The following ZNF565 variants were observed in gnomAD, a reference collection of about 807,000 sequenced individuals.
ZNF565 encodes the protein zinc finger protein 565.
Under a neutral mutation model 39.4 loss-of-function variants are expected in ZNF565, and 27 were observed. That is an observed-to-expected ratio of 0.69 (90% CI 0.51 to 0.95). The LOEUF is 0.95. Ranked by LOEUF, ZNF565 falls within the 40% of genes least tolerant of loss-of-function variation. ZNF565 has a pLI of 0.00. For synonymous variants in ZNF565, 185 were observed against 216.6 expected (o/e 0.85, Z 1.28); for missense variants, 524 against 621.1 (o/e 0.84, Z 1.66).
chr19:36,192,642 G>A (rs779146976), intron 4 of ZNF565, among the ~76,000 whole-genome samples: 1 of 152,010 alleles, frequency 6.6e-6, no homozygotes, highest in Non-Finnish European at 1.5e-5. Context: ...TCAGGAGGCT[G>A]AGACAGGAGA....
chr19:36,192,222 T>C (rs1006173936), intron 4 of ZNF565, among the ~76,000 whole-genome samples: 2 of 151,348 alleles, frequency 1.3e-5, no homozygotes, highest in Admixed American at 6.6e-5. Flanking sequence ...CTGCTGACCT[T>C]GTGATTCGCC....
At chr19:36,194,920 G>A in intron 3 of ZNF565, 110 bp downstream of exon 3, 1 of 1,539,370 alleles carries the variant, frequency 6.5e-7, no homozygotes, top group Non-Finnish European at 9.0e-7. Context: ...AGCGTCTCCT[G>A]TGACAGTTTC....
intron 1 of ZNF565, among the ~76,000 whole-genome samples, chr19:36,242,789 T>C (rs1977821907): frequency 6.6e-6 from 1 of 152,210 alleles, no homozygotes; most frequent in Admixed American, 6.5e-5. Context: ...CCAAAAAAGA[T>C]ATACAGGTGT....
Position 36,245,419 on chromosome 19 carries a change from C to T in ZNF565, c.55+57G>A. The T allele has an allele frequency of 2.9e-6, 2 of 701,728 alleles. No homozygotes were observed. Among genetic ancestry groups the T allele is most frequent in the South Asian group, 1.5e-5 (1 of 67,556 alleles). 43.5% of individuals were successfully genotyped at this position (701,728 alleles called of 1,614,324 possible). On this transcript the variant is annotated intron_variant, in intron 1 of 4. Coordinates refer to the ZNF565 transcript ENST00000355114. The surrounding 1 kb of genome is among the most constrained non-coding windows in gnomAD (Gnocchi z 4.4). ...CCGGAAAGCTCCGCGCTTACGACGC[C>T]CACCCAGAAAATCCGGATCACATTT... is the stretch of plus-strand genomic sequence containing the variant.
intron 1 of ZNF565, among the ~76,000 whole-genome samples, chr19:36,242,661 G>A (rs1568440831): frequency 6.6e-6 from 1 of 152,118 alleles, no homozygotes; most frequent in Non-Finnish European, 1.5e-5. Flanking sequence ...GGAGGCGGAG[G>A]TTGCAGTGAG....
intron 1 of ZNF565, among the ~76,000 whole-genome samples, chr19:36,229,075 C>T (rs1320859526): frequency 6.6e-6 from 1 of 152,250 alleles, no homozygotes; most frequent in African/African-American, 2.4e-5. Flanking sequence ...TGTGCCGCCA[C>T]TGTGGTGGCT....
At chr19:36,218,819 T>C (rs917228837), upstream of ZNF565, among the ~76,000 whole-genome samples, 2 of 148,682 alleles carry the variant, frequency 1.3e-5, no homozygotes, top group Non-Finnish European at 3.0e-5. Context: ...TTTTTTTTGG[T>C]GGAGGGGGGG....
rs112174089 is a variant in ZNF565, at chr19:36,183,946, C to T, written c.233-213G>A. Among the ~76,000 whole-genome samples, 246 of 151,566 alleles carry T rather than the reference C, an allele frequency of 1.6e-3. 1 individual carries two copies. The highest frequency in any genetic ancestry group is 5.8e-3 in the African/African-American group (240 of 41,396). ...TACAAAAATTAGCCACACTTGGTGGCAGGCACCTGTAATCCCAGCTACTAG... is the reference window on the plus strand; with the variant it reads ...TACAAAAATTAGCCACACTTGGTGGTAGGCACCTGTAATCCCAGCTACTAG... On this transcript the variant is annotated intron_variant, in intron 4 of 4. Transcript: ENST00000304116.
intron 1 of ZNF565, chr19:36,236,880 A>G: frequency 6.2e-7 from 1 of 1,614,176 alleles, no homozygotes; most frequent in South Asian, 1.1e-5. Flanking sequence ...ACTGAGCATG[A>G]GAAAATCCAT....
Position 36,182,530 on chromosome 19 carries a change from T to A in ZNF565, c.1436A>T (p.Glu479Val), listed in dbSNP as rs1568406995. Residue 479 changes from glutamate (E) to valine (V), a missense_variant, in exon 5 of 5, where the codon GAG (glutamate) becomes GTG (valine). Physicochemically the swap from Glu to Val is moderately radical, Grantham distance 121. Transcript: ENST00000304116. ...HPGIKPYECR[E>V]CGQAFILGSQ... Reference sequence around the variant, plus strand: ...GCCAAGAATAAATGCCTGCCCACACTCTCTACATTCGTAAGGTTTGATACC... The same window carrying A: ...GCCAAGAATAAATGCCTGCCCACACACTCTACATTCGTAAGGTTTGATACC... The A allele has an allele frequency of 5.0e-6, 8 of 1,609,110 alleles. No homozygotes were observed. The highest frequency in any genetic ancestry group is 5.9e-6 in the Non-Finnish European group (7 of 1,177,512).
intron 1 of ZNF565, among the ~76,000 whole-genome samples, chr19:36,224,321 G>T (rs1976984363): frequency 6.6e-6 from 1 of 152,194 alleles, no homozygotes; most frequent in South Asian, 2.1e-4. Flanking sequence ...GGCGGAGGTT[G>T]CAGTGAGCTG....
intron 1 of ZNF565, chr19:36,236,082 T>C: frequency 5.0e-6 from 1 of 199,394 alleles, no homozygotes. Context: ...TTGCATTTCG[T>C]CGAACGTGCA....
At chr19:36,207,481 G>C (rs1249422036) in intron 1 of ZNF565, among the ~76,000 whole-genome samples, 3 of 151,760 alleles carry the variant, frequency 2.0e-5, no homozygotes, top group African/African-American at 7.3e-5. Context: ...CGGAGGTTGC[G>C]GTGAGCCAAG....
chr19:36,220,948 G>T (rs1976810229), intron 1 of ZNF565, among the ~76,000 whole-genome samples: 1 of 151,094 alleles, frequency 6.6e-6, no homozygotes, highest in South Asian at 2.1e-4. Flanking sequence ...TGCCTCCCCA[G>T]TTCCAGCGAT....
At chr19:36,236,083 C>T (rs1977635128) in intron 1 of ZNF565, 1 of 195,470 alleles carries the variant, frequency 5.1e-6, no homozygotes, top group Admixed American at 5.6e-5. Flanking sequence ...TGCATTTCGT[C>T]GAACGTGCAA....
intron 1 of ZNF565, among the ~76,000 whole-genome samples, chr19:36,241,266 A>G (rs1977794278): frequency 6.6e-6 from 1 of 151,872 alleles, no homozygotes; most frequent in South Asian, 2.1e-4. Context: ...CGGGCGGATC[A>G]CAAGGTCAGG....
chr19:36,209,503 A>G (rs2145361986), intron 1 of ZNF565, among the ~76,000 whole-genome samples: 1 of 151,090 alleles, frequency 6.6e-6, no homozygotes, highest in Non-Finnish European at 1.5e-5. Flanking sequence ...TCAAAACAAA[A>G]ACAAAAACAA....
chr19:36,196,294 T>C (rs1238018765), intron 2 of ZNF565, among the ~76,000 whole-genome samples: 2 of 152,108 alleles, frequency 1.3e-5, no homozygotes, highest in Non-Finnish European at 2.9e-5. Flanking sequence ...CAGGCTGGCC[T>C]CAAACTCCTG....
chr19:36,192,808 A>ATGGTTTTTTTTT (rs1209637354), intron 4 of ZNF565, among the ~76,000 whole-genome samples: 3 of 149,080 alleles, frequency 2.0e-5, no homozygotes, highest in African/African-American at 7.6e-5. Context: ...AGCCAATAAA[A>ATGGTTTTTTTTT]TGGTTTTTTT....
Sources: allele counts gnomAD v4.1 joint callset (sites outside exome capture counted in the v4.1 genomes callset), GRCh38; gene constraint gnomAD v4.1.1; non-coding constraint Gnocchi (gnomAD v3.1); transcripts MANE v1.5; gene names NCBI Gene and HGNC (gene_info 2026-07-23, HGNC 2026-07-21).